RERG: variants seen among roughly 807,000 people sequenced by gnomAD.
RERG encodes RAS like estrogen regulated growth inhibitor, also known as ras-related and estrogen-regulated growth inhibitor.
A neutral mutation model predicts 23.2 loss-of-function variants in RERG; 25 were observed. The observed-to-expected ratio is 1.08, with a 90% CI of 0.79 to 1.50. RERG has a LOEUF of 1.50. Among genes scored for constraint, RERG ranks in the 40% most tolerant of loss-of-function variants. The pLI is 0.00. For missense variants in RERG, 253 were observed against 250.1 expected, an observed-to-expected ratio of 1.01 and a Z score of -0.08; for synonymous variants, 81 against 89.1, an observed-to-expected ratio of 0.91 and a Z score of 0.51.
At chr12:15,136,952 T>TA (rs1319257393) in intron 2 of RERG, among the ~76,000 whole-genome samples, 1 of 151,972 alleles carries the variant, frequency 6.6e-6, no homozygotes, top group Non-Finnish European at 1.5e-5. Context: ...ACTATGTCCT[T>TA]ACTGATTTTC....
rs1455035389 is a variant in RERG, at chr12:15,108,969, C to T, written c.*141G>A. 2 of 855,590 alleles carry T rather than the reference C, an allele frequency of 2.3e-6. No homozygotes were observed. Among genetic ancestry groups the T allele is most frequent in the Non-Finnish European group, 3.6e-6 (2 of 555,538 alleles). 53.0% of individuals were successfully genotyped at this position (855,590 alleles called of 1,614,324 possible). On this transcript the variant is annotated 3_prime_UTR_variant, in exon 5 of 5. Transcript: ENST00000256953. Reference sequence around the variant, plus strand: ...CATAAAACACGCTAAAACTTCCCAACCTATTAGAGGCCAGAAACAATGGGA... The same window carrying T: ...CATAAAACACGCTAAAACTTCCCAATCTATTAGAGGCCAGAAACAATGGGA...
At chr12:15,146,931 T>C (rs1466525352) in intron 2 of RERG, among the ~76,000 whole-genome samples, 1 of 152,178 alleles carries the variant, frequency 6.6e-6, no homozygotes, top group African/African-American at 2.4e-5. Flanking sequence ...ACAATCCCTC[T>C]CTTTGGTTTC....
At chr12:15,211,284 T>TACACACACACACACAC (rs56263472) in intron 2 of RERG, among the ~76,000 whole-genome samples, 2 of 142,778 alleles carry the variant, frequency 1.4e-5, no homozygotes, top group Non-Finnish European at 3.0e-5. Flanking sequence ...TGTCATTTTA[T>TACACACACACACACAC]ACACACACAC....
intron 2 of RERG, among the ~76,000 whole-genome samples, chr12:15,206,483 A>G (rs1266875278): frequency 6.6e-6 from 1 of 152,176 alleles, no homozygotes; most frequent in East Asian, 1.9e-4. Context: ...TTGAGTACTC[A>G]GCAAACTTAA....
intron 1 of RERG, among the ~76,000 whole-genome samples, chr12:15,219,722 G>A (rs1291007910): frequency 6.6e-6 from 1 of 152,158 alleles, no homozygotes; most frequent in Non-Finnish European, 1.5e-5. Flanking sequence ...AGTGTCTGCA[G>A]CTAGTATAAA....
At chr12:15,113,759 G>C (rs995984566) in intron 3 of RERG, among the ~76,000 whole-genome samples, 10 of 151,876 alleles carry the variant, frequency 6.6e-5, no homozygotes, top group African/African-American at 2.4e-4. Flanking sequence ...GAAAATCCTA[G>C]GAAAATGGAG....
intron 2 of RERG, among the ~76,000 whole-genome samples, chr12:15,121,420 A>G (rs994799286): frequency 2.6e-5 from 4 of 152,216 alleles, no homozygotes; most frequent in African/African-American, 9.6e-5. Context: ...ATGCTTATAT[A>G]TAAAATTTTT....
At chr12:15,168,889 G>T (rs1289041379) in intron 2 of RERG, among the ~76,000 whole-genome samples, 2 of 152,218 alleles carry the variant, frequency 1.3e-5, no homozygotes, top group African/African-American at 2.4e-5. Context: ...CAAGTACATA[G>T]TGAGGAGCAG....
chr12:15,140,009 A>C (rs1183169297), intron 2 of RERG, among the ~76,000 whole-genome samples: 1 of 152,178 alleles, frequency 6.6e-6, no homozygotes, highest in Non-Finnish European at 1.5e-5. Context: ...ATTTCTGTAG[A>C]AAATTGTCTC....
chr12:15,108,309 G>A lies in RERG; in HGVS notation c.*801C>T, dbSNP rs746931796. Reference sequence around the variant, plus strand: ...TGCTAAGGTGATAAACAAATCAGATGTCTCTAATTCTACATCTTCTACTAG... The same window carrying A: ...TGCTAAGGTGATAAACAAATCAGATATCTCTAATTCTACATCTTCTACTAG... On this transcript the variant is annotated 3_prime_UTR_variant, in exon 5 of 5. Transcript: ENST00000256953. 2.0e-5 allele frequency: 3 copies of A among 152,184 alleles called. No individual in the cohort carries two copies. The highest frequency in any genetic ancestry group is 4.4e-5 in the Non-Finnish European group (3 of 68,010). 9.4% of individuals were successfully genotyped at this position (152,184 alleles called of 1,614,324 possible).
Position 15,109,510 on chromosome 12 carries a change from G to C in RERG, c.200C>G (p.Thr67Ser), listed in dbSNP as rs753770926. ...TCGCATGTGCCCCTCCCTCTGAATGGTATCTTCCTGTTGGCAAAGAAAAAT... is the reference window on the plus strand; with the variant it reads ...TCGCATGTGCCCCTCCCTCTGAATGCTATCTTCCTGTTGGCAAAGAAAAAT... ...EILDTAGQED[T>S]IQREGHMRWG... Residue 67 changes from threonine (T) to serine (S), a missense_variant, in exon 5 of 5, where the codon ACC becomes AGC. Physicochemically the swap from Thr to Ser is moderately conservative, Grantham distance 58 (BLOSUM62 1). Transcript: ENST00000256953. The C allele has an allele frequency of 1.3e-6, 2 of 1,580,958 alleles. No individual in the cohort carries two copies. Among genetic ancestry groups the C allele is most frequent in the South Asian group, 2.3e-5 (2 of 86,926 alleles).
In RERG at chr12:15,196,669, G is replaced by A. The variant is rs574667671; in HGVS notation, c.61+20760C>T. On this transcript the variant is annotated intron_variant, in intron 2 of 4. Coordinates refer to ENST00000256953, the MANE Select transcript of RERG (RefSeq NM_032918.3). ...CACTAAAAATGAAACACATACTGCC[G>A]CTCTCTGGGATGAGAAATCATTTCT... Among the ~76,000 whole-genome samples, 23 of 152,218 alleles carry A rather than the reference G, an allele frequency of 1.5e-4. No individual in the cohort carries two copies. The South Asian group carries it at 3.9e-3, about 26-fold the overall frequency.
intron 2 of RERG, among the ~76,000 whole-genome samples, chr12:15,171,779 C>A (rs1237073218): frequency 6.6e-6 from 1 of 152,192 alleles, no homozygotes; most frequent in East Asian, 1.9e-4. Context: ...AGGAAAAGAA[C>A]ATTGACATAC....
intron 2 of RERG, among the ~76,000 whole-genome samples, chr12:15,123,439 T>C (rs1406748518): frequency 6.7e-6 from 1 of 149,894 alleles, no homozygotes; most frequent in African/African-American, 2.4e-5. Flanking sequence ...AGCATATATA[T>C]GTGTATGAAT....
At chr12:15,172,674 G>C (rs1864793331) in intron 2 of RERG, among the ~76,000 whole-genome samples, 1 of 152,048 alleles carries the variant, frequency 6.6e-6, no homozygotes, top group Non-Finnish European at 1.5e-5. Flanking sequence ...AGTGGGTGCA[G>C]GTGGTATCAC....
At chr12:15,128,333 A>C (rs1040716029) in intron 2 of RERG, among the ~76,000 whole-genome samples, 18 of 152,226 alleles carry the variant, frequency 1.2e-4, no homozygotes, top group African/African-American at 3.9e-4. Flanking sequence ...GTAGATGAGG[A>C]AAACAAGTAT....
chr12:15,158,323 C>T (rs1361330413), intron 2 of RERG, among the ~76,000 whole-genome samples: 1 of 151,850 alleles, frequency 6.6e-6, no homozygotes, highest in Non-Finnish European at 1.5e-5. Flanking sequence ...GCTCTGTCAT[C>T]CAGGCTGGAA....
At chr12:15,142,448 C>T (rs1293306777) in intron 2 of RERG, among the ~76,000 whole-genome samples, 1 of 151,484 alleles carries the variant, frequency 6.6e-6, no homozygotes, top group Non-Finnish European at 1.5e-5. Context: ...CACTTTATAC[C>T]TCATTTATTT....
In RERG at chr12:15,217,518, G is replaced by GA; in HGVS notation, c.-30_-29insT. 2 of 1,522,586 alleles carry GA rather than the reference G, an allele frequency of 1.3e-6. No homozygotes were observed. The highest frequency in any genetic ancestry group is 1.8e-6 in the Non-Finnish European group (2 of 1,096,702). 94.3% of individuals were successfully genotyped at this position (1,522,586 alleles called of 1,614,324 possible). ...GGGTGTTGGTAGACAATTTACTGTT[G>GA]TTAAAACTAAAGCACTGAGTAAATC... On this transcript the variant is annotated 5_prime_UTR_variant, in exon 2 of 5. Transcript: ENST00000256953.
Sources: gnomAD v4.1 joint callset for allele counts (sites outside exome capture counted in the v4.1 genomes callset) on GRCh38, gnomAD v4.1.1 for gene constraint, MANE v1.5 for transcripts, NCBI Gene and HGNC (gene_info 2026-07-23, HGNC 2026-07-21) for gene names.